Variants in DLGAP2 observed in about 807,000 individuals in gnomAD.
DLGAP2 encodes the protein DLG associated protein 2, also known as disks large-associated protein 2.
Under a neutral mutation model 100.3 loss-of-function variants are expected in DLGAP2, and 26 were observed. The observed-to-expected ratio is 0.26, with a 90% CI of 0.19 to 0.36. The LOEUF is 0.36. DLGAP2 is among the 10% of genes least tolerant of loss of function. The probability of loss-of-function intolerance (pLI) is 1.00; values close to 1 mark genes in which losing one functional copy is unlikely to be tolerated. For missense variants in DLGAP2, 1,858 were observed against 1,453.2 expected (o/e 1.28, Z -4.53); for synonymous variants, 886 against 630.1 (o/e 1.41, Z -6.08).
At chr8:1,502,678 G>A (rs564688115) in intron 4 of DLGAP2, among the ~76,000 whole-genome samples, 10 of 152,266 alleles carry the variant, frequency 6.6e-5, no homozygotes, top group African/African-American at 2.4e-4. Flanking sequence ...ACTCCATCGC[G>A]ATGAATCTTC....
chr8:942,663 C>T lies in DLGAP2; in HGVS notation c.73+34697C>T, dbSNP rs556025923. On this transcript the variant is annotated intron_variant, in intron 2 of 14. Transcript: ENST00000637795. ...TCATTTTCCCAAAGAAAGCTTTCAT[C>T]GTATTTCAGTGAGGCAGAGTCATGT... 2.6e-5 allele frequency among the ~76,000 whole-genome samples: 4 copies of T among 152,350 alleles called. No homozygotes were observed. The South Asian group carries it at 8.3e-4, about 32-fold the overall frequency.
At chr8:1,417,727 A>ACGGGGGGCCCCACTCCTGCCTCACT in intron 3 of DLGAP2, among the ~76,000 whole-genome samples, 2 of 111,516 alleles carry the variant, frequency 1.8e-5, no homozygotes, top group African/African-American at 6.1e-5. Context: ...GAGGCTCCAG[A>ACGGGGGGCCCCACTCCTGCCTCACT]CACAGAAGCC....
intron 3 of DLGAP2, among the ~76,000 whole-genome samples, chr8:1,259,351 G>C (rs149100980): frequency 3.9e-5 from 6 of 152,160 alleles, no homozygotes; most frequent in Non-Finnish European, 8.8e-5. Context: ...AACTTTCTAC[G>C]CAAGTCTCCT....
intron 2 of DLGAP2, among the ~76,000 whole-genome samples, chr8:921,577 C>G (rs35241690): frequency 0.3 from 45,200 of 152,250 alleles, 7,551 homozygotes; most frequent in Admixed American, 0.4. Flanking sequence ...CATAGACAGT[C>G]TGTGGGATTG....
chr8:1,653,253 G>A (rs1402708160), intron 8 of DLGAP2, among the ~76,000 whole-genome samples: 1 of 152,054 alleles, frequency 6.6e-6, no homozygotes, highest in Non-Finnish European at 1.5e-5. Flanking sequence ...TTGGTTCTTG[G>A]TGCCTGGAGA....
chr8:982,026 C>A (rs1227170797), intron 2 of DLGAP2, among the ~76,000 whole-genome samples: 1 of 152,202 alleles, frequency 6.6e-6, no homozygotes, highest in African/African-American at 2.4e-5. Context: ...TGCTCCTCCA[C>A]CTTTAAACTT....
At chr8:1,324,422 C>G (rs937718872) in intron 3 of DLGAP2, among the ~76,000 whole-genome samples, 1 of 152,196 alleles carries the variant, frequency 6.6e-6, no homozygotes, top group East Asian at 1.9e-4. Context: ...ATAAAATGCA[C>G]ATGATTTCGT....
intron 2 of DLGAP2, among the ~76,000 whole-genome samples, chr8:980,221 A>T (rs1800289970): frequency 6.6e-6 from 1 of 152,184 alleles, no homozygotes; most frequent in Non-Finnish European, 1.5e-5. Context: ...CTGCGTGGAC[A>T]TTGTAGCCAA....
intron 2 of DLGAP2, among the ~76,000 whole-genome samples, chr8:1,202,636 GA>G (rs911082541): frequency 6.6e-6 from 1 of 152,188 alleles, no homozygotes; most frequent in Non-Finnish European, 1.5e-5. Flanking sequence ...AGGCTCTGGG[GA>G]TGGGGGGCCA....
intron 2 of DLGAP2, among the ~76,000 whole-genome samples, chr8:1,063,617 C>A (rs1201459849): frequency 1.3e-5 from 2 of 148,376 alleles, no homozygotes; most frequent in African/African-American, 5.0e-5. Context: ...AATAGAATGT[C>A]AGTAAAAGGA....
intron 2 of DLGAP2, among the ~76,000 whole-genome samples, chr8:1,058,302 A>G (rs959086290): frequency 6.6e-6 from 1 of 152,164 alleles, no homozygotes; most frequent in African/African-American, 2.4e-5. Context: ...CTCACTTGGC[A>G]CTGAGAGAAT....
chr8:1,319,828 T>C (rs1403646662), intron 3 of DLGAP2, among the ~76,000 whole-genome samples: 1 of 152,048 alleles, frequency 6.6e-6, no homozygotes, highest in Non-Finnish European at 1.5e-5. Context: ...TGCCAGACAA[T>C]GGCAAGGTCA....
At chr8:1,268,768 T>G (rs1470966659) in intron 3 of DLGAP2, among the ~76,000 whole-genome samples, 2 of 152,234 alleles carry the variant, frequency 1.3e-5, no homozygotes, top group Admixed American at 1.3e-4. Flanking sequence ...CATTTCCCAA[T>G]TATGCACCTC....
intron 2 of DLGAP2, among the ~76,000 whole-genome samples, chr8:1,223,488 T>C (rs1263009260): frequency 6.6e-6 from 1 of 152,240 alleles, no homozygotes; most frequent in Non-Finnish European, 1.5e-5. Context: ...ACAAGATGAC[T>C]AAAAGTTTAA....
chr8:988,208 G>A (rs1800543335), intron 2 of DLGAP2, among the ~76,000 whole-genome samples: 1 of 152,146 alleles, frequency 6.6e-6, no homozygotes, highest in South Asian at 2.1e-4. Flanking sequence ...GTACCCTTTA[G>A]TATTCAGATA....
At chr8:1,306,329 G>T (rs187628516) in intron 3 of DLGAP2, among the ~76,000 whole-genome samples, 3 of 151,916 alleles carry the variant, frequency 2.0e-5, no homozygotes, top group Non-Finnish European at 4.4e-5. Flanking sequence ...GTAAATAATT[G>T]CATTTATAAT....
chr8:840,549 G>C (rs1796963012), intron 1 of DLGAP2, among the ~76,000 whole-genome samples: 1 of 78,028 alleles, frequency 1.3e-5, no homozygotes, highest in African/African-American at 4.5e-5. Context: ...CCACACTCTG[G>C]ATTCTGCGAG....
At chr8:1,356,459 G>T (rs1165675114) in intron 3 of DLGAP2, among the ~76,000 whole-genome samples, 1 of 152,228 alleles carries the variant, frequency 6.6e-6, no homozygotes, top group African/African-American at 2.4e-5. Flanking sequence ...AGGCTGCAGT[G>T]GGCGTCTCCA....
intron 2 of DLGAP2, among the ~76,000 whole-genome samples, chr8:973,759 T>C (rs1432155364): frequency 6.6e-6 from 1 of 152,126 alleles, no homozygotes; most frequent in East Asian, 1.9e-4. Context: ...GGAAGGCAAA[T>C]ATACGCGCGG....
Sources: gnomAD v4.1 joint callset for allele counts (sites outside exome capture counted in the v4.1 genomes callset) on GRCh38, gnomAD v4.1.1 for gene constraint, MANE v1.5 for transcripts, NCBI Gene and HGNC (gene_info 2026-07-23, HGNC 2026-07-21) for gene names.